GTF3C5: variants seen among roughly 807,000 people sequenced by gnomAD.
GTF3C5 encodes the protein general transcription factor 3C polypeptide 5.
Under a neutral mutation model 61.0 loss-of-function variants are expected in GTF3C5, and 47 were observed. The observed-to-expected ratio is 0.77, with a 90% CI of 0.61 to 0.98. The LOEUF is 0.98. GTF3C5 is among the 50% of genes least tolerant of loss of function. GTF3C5 has a pLI of 0.00. For missense variants in GTF3C5, 659 were observed against 703.3 expected (o/e 0.94, Z 0.71); for synonymous variants, 295 against 275.4 (o/e 1.07, Z -0.71).
intron 1 of GTF3C5, among the ~76,000 whole-genome samples, chr9:133,041,296 T>C (rs924560480): frequency 2.6e-5 from 4 of 152,212 alleles, no homozygotes; most frequent in Admixed American, 2.6e-4. Context: ...CCCGCAGTTA[T>C]CCGGGGGACT....
chr9:133,043,822 G>A lies in GTF3C5; in HGVS notation c.468G>A (p.Lys156=), dbSNP rs1295208413. Residue 156 remains lysine, a synonymous_variant, in exon 3 of 11, where the codon AAG becomes AAA. Transcript: ENST00000372097. ...AGGTGCTCATGCTCCGGCCCGAGAA[G>A]GAGGCCTTTTTCCACCAGGAGCTGC... is the stretch of plus-strand genomic sequence containing the variant. ...YDKVLMLRPE[K]EAFFHQELPL... 2.5e-6 allele frequency: 4 copies of A among 1,613,988 alleles called. No homozygotes were observed. Among genetic ancestry groups the A allele is most frequent in the Non-Finnish European group, 3.4e-6 (4 of 1,179,974 alleles).
intron 1 of GTF3C5, among the ~76,000 whole-genome samples, chr9:133,040,435 T>C (rs750877638): frequency 6.6e-6 from 1 of 152,218 alleles, no homozygotes; most frequent in Non-Finnish European, 1.5e-5. Context: ...TTCATTCATA[T>C]GTACGTGGCA....
chr9:133,039,834 A>T (rs1489387575), intron 1 of GTF3C5, among the ~76,000 whole-genome samples: 1 of 152,164 alleles, frequency 6.6e-6, no homozygotes, highest in African/African-American at 2.4e-5. Flanking sequence ...TGCCATTTTT[A>T]TTCACATTTT....
intron 1 of GTF3C5, among the ~76,000 whole-genome samples, chr9:133,041,239 C>T (rs1321704102): frequency 1.3e-5 from 2 of 152,220 alleles, no homozygotes; most frequent in Admixed American, 1.3e-4. Flanking sequence ...TTGGAGAAGA[C>T]TCTACTCCTC....
intron 3 of GTF3C5, among the ~76,000 whole-genome samples, chr9:133,047,423 T>C (rs1189742716): frequency 6.6e-6 from 1 of 152,226 alleles, no homozygotes; most frequent in African/African-American, 2.4e-5. Flanking sequence ...CAAGTCACTT[T>C]GCCTCCCTGC....
chr9:133,047,115 G>A lies in GTF3C5; in HGVS notation c.572+3189G>A, dbSNP rs527322035. Among the ~76,000 whole-genome samples the A allele has an allele frequency of 3.1e-4, 47 of 152,214 alleles. No homozygotes were observed. The South Asian group carries it at 8.7e-3, about 28-fold the overall frequency. On this transcript the variant is annotated intron_variant, in intron 3 of 10. Coordinates refer to ENST00000372097, the MANE Select transcript of GTF3C5 (RefSeq NM_012087.4). ...TGCTGCCTTCAGAAACAAGCAGTGCGGATCTCTGACAGGGAAGACTCATGT... is the reference window on the plus strand; with the variant it reads ...TGCTGCCTTCAGAAACAAGCAGTGCAGATCTCTGACAGGGAAGACTCATGT...
chr9:133,044,245 C>CAGGGCTGAG, intron 3 of GTF3C5: 1 of 365,634 alleles, frequency 2.7e-6, no homozygotes, highest in Non-Finnish European at 5.1e-6. Context: ...GTTCTCAGCA[C>CAGGGCTGAG]AGGGCTGAGT....
chr9:133,052,704 G>A (rs571806034), intron 5 of GTF3C5, among the ~76,000 whole-genome samples: 5 of 152,288 alleles, frequency 3.3e-5, no homozygotes, highest in African/African-American at 7.2e-5. Context: ...GGAGGCCAGC[G>A]TAAGACATGA....
chr9:133,039,069 G>A (rs115240776), intron 1 of GTF3C5, among the ~76,000 whole-genome samples: 3 of 152,216 alleles, frequency 2.0e-5, no homozygotes, highest in South Asian at 2.1e-4. Flanking sequence ...TGTATTTTAC[G>A]GGGGAAGGAA....
In GTF3C5 at chr9:133,058,156, C is replaced by T. The variant is rs1564207280; in HGVS notation, c.*176C>T. On this transcript the variant is annotated 3_prime_UTR_variant, in exon 11 of 11. Coordinates refer to ENST00000372097, the MANE Select transcript of GTF3C5 (RefSeq NM_012087.4). ...CCCTAGCACTGGCTGTGACATGCTG[C>T]TTGGTGCTGCCTCTGGTCCTGAGGG... 2 of 1,437,856 alleles carry T rather than the reference C, an allele frequency of 1.4e-6. No individual in the cohort carries two copies. Among genetic ancestry groups the T allele is most frequent in the Non-Finnish European group, 1.8e-6 (2 of 1,095,434 alleles). 89.1% of individuals were successfully genotyped at this position (1,437,856 alleles called of 1,614,324 possible).
chr9:133,032,309 T>G (rs752978034), intron 1 of GTF3C5, among the ~76,000 whole-genome samples: 6 of 152,230 alleles, frequency 3.9e-5, no homozygotes, highest in Non-Finnish European at 5.9e-5. Flanking sequence ...CCACACAATC[T>G]AAGCTAATCT....
Position 133,056,860 on chromosome 9 carries a change from G to A in GTF3C5, c.1345G>A (p.Asp449Asn). 1 of 1,611,164 alleles carries A rather than the reference G, an allele frequency of 6.2e-7. No homozygotes were observed. Among genetic ancestry groups the A allele is most frequent in the South Asian group, 1.1e-5 (1 of 90,582 alleles). ...CLPKTSDELR[D>N]TMSLMIRQTI... ...CCCCAAGACCAGCGACGAGCTCAGG[G>A]ACACCATGTCCCTCATGATCCGGCA... Residue 449 changes from aspartate (D) to asparagine (N), a missense_variant, in exon 10 of 11, where the codon GAC becomes AAC. Transcript: ENST00000372097.
At chr9:133,053,207 A>G (rs1338970605) in intron 5 of GTF3C5, among the ~76,000 whole-genome samples, 1 of 152,186 alleles carries the variant, frequency 6.6e-6, no homozygotes, top group Non-Finnish European at 1.5e-5. Context: ...CTCATCGATT[A>G]GGCCAGTAGT....
intron 9 of GTF3C5, among the ~76,000 whole-genome samples, chr9:133,056,411 C>T (rs1399266278): frequency 1.3e-5 from 2 of 152,216 alleles, no homozygotes; most frequent in Non-Finnish European, 2.9e-5. Context: ...AACCTTTTAT[C>T]GACTTGTTCT....
chr9:133,043,651 G>A, intron 2 of GTF3C5, 77 bp from the exon 3 acceptor site: 2 of 1,180,646 alleles, frequency 1.7e-6, no homozygotes, highest in South Asian at 2.5e-5. Flanking sequence ...ACCTCCCTAA[G>A]CAGATGTGGG....
At chr9:133,041,633 C>T (rs1254579814) in intron 1 of GTF3C5, among the ~76,000 whole-genome samples, 2 of 152,164 alleles carry the variant, frequency 1.3e-5, no homozygotes, top group Non-Finnish European at 2.9e-5. Flanking sequence ...GGGCCACTAC[C>T]GGTCCCCGCA....
intron 3 of GTF3C5, among the ~76,000 whole-genome samples, chr9:133,049,782 CTT>C (rs1850315926): frequency 6.6e-6 from 1 of 152,138 alleles, no homozygotes; most frequent in African/African-American, 2.4e-5. Context: ...TGTTTTAAGA[CTT>C]TATTTTTTTA....
At chr9:133,053,458 G>A (rs1236252520) in intron 5 of GTF3C5, among the ~76,000 whole-genome samples, 1 of 152,174 alleles carries the variant, frequency 6.6e-6, no homozygotes, top group African/African-American at 2.4e-5. Flanking sequence ...GGTGGCTCGT[G>A]CCTGTAGTTC....
At chr9:133,055,073 C>G in intron 8 of GTF3C5, 1 of 1,551,240 alleles carries the variant, frequency 6.4e-7, no homozygotes, top group Non-Finnish European at 8.7e-7. Flanking sequence ...ATGTGGTTGT[C>G]CTTCTCGAGC....
Sources: gnomAD v4.1 joint callset for allele counts (sites outside exome capture counted in the v4.1 genomes callset) on GRCh38, gnomAD v4.1.1 for gene constraint, MANE v1.5 for transcripts, NCBI Gene and HGNC (gene_info 2026-07-23, HGNC 2026-07-21) for gene names.